TMEM232: variants seen among roughly 807,000 people sequenced by gnomAD.
TMEM232 encodes the protein transmembrane protein 232.
TMEM232 carries 80 observed loss-of-function variants against 78.8 expected under a neutral mutation model. The ratio of observed to expected loss-of-function variants is 1.01; its 90% CI spans 0.85 to 1.22. The LOEUF (loss-of-function observed/expected upper bound fraction) is 1.22. Among genes scored for constraint, TMEM232 ranks in the 50% most tolerant of loss-of-function variants. The pLI is 0.00. For missense variants in TMEM232, 881 were observed against 742.2 expected, an observed-to-expected ratio of 1.19 and a Z score of -2.17; for synonymous variants, 297 against 254.3, an observed-to-expected ratio of 1.17 and a Z score of -1.60.
chr5:110,672,549 A>C (rs2150149645), intron 1 of TMEM232, among the ~76,000 whole-genome samples: 1 of 152,282 alleles, frequency 6.6e-6, no homozygotes, highest in East Asian at 1.9e-4. Context: ...AAAATAGCCA[A>C]ACAACTTCAA....
chr5:110,736,245 A>G (rs1406103662), intron 1 of TMEM232, among the ~76,000 whole-genome samples: 1 of 152,198 alleles, frequency 6.6e-6, no homozygotes, highest in African/African-American at 2.4e-5. Context: ...AGGATGATAG[A>G]GCTTTCATAG....
At chr5:110,636,423 C>CA (rs1785842363) in intron 5 of TMEM232, among the ~76,000 whole-genome samples, 1 of 151,908 alleles carries the variant, frequency 6.6e-6, no homozygotes, top group Non-Finnish European at 1.5e-5. Flanking sequence ...ATGATGCAAA[C>CA]ACATAGAAAT....
chr5:110,724,165 T>C (rs1466666977), intron 1 of TMEM232, among the ~76,000 whole-genome samples: 4 of 152,206 alleles, frequency 2.6e-5, no homozygotes, highest in Non-Finnish European at 1.5e-5. Flanking sequence ...TGGGACTTTA[T>C]TGTTTGCAAA....
chr5:110,537,718 A>G lies in TMEM232; in HGVS notation c.1456-8883T>C, dbSNP rs551396542. Among the ~76,000 whole-genome samples the G allele has an allele frequency of 2.0e-5, 3 of 152,354 alleles. No individual in the cohort carries two copies. The East Asian group carries it at 5.8e-4, about 29-fold the overall frequency. On this transcript the variant is annotated intron_variant, in intron 11 of 13. Transcript: ENST00000455884. ...CCTGCAGCCCTGTTACTCCTTGGGA[A>G]GTAGCAAGAGCTGAGGGGCCAGTCC...
At chr5:110,390,908 C>A (rs1021023164) in intron 3 of TMEM232, among the ~76,000 whole-genome samples, 1 of 152,182 alleles carries the variant, frequency 6.6e-6, no homozygotes, top group Non-Finnish European at 1.5e-5. Context: ...TGCATGTTAA[C>A]AAGTTTCAAA....
chr5:110,605,041 C>T (rs1781374362), intron 10 of TMEM232, 68 bp downstream of exon 10: 1 of 1,393,478 alleles, frequency 7.2e-7, no homozygotes, highest in Non-Finnish European at 9.6e-7. Context: ...GAGTAGAATG[C>T]TTATTACTAT....
chr5:110,476,722 C>T (rs1763295728), intron 12 of TMEM232, among the ~76,000 whole-genome samples: 1 of 152,010 alleles, frequency 6.6e-6, no homozygotes, highest in African/African-American at 2.4e-5. Flanking sequence ...AGTCTGCTAG[C>T]ATTTCCCAGA....
At chr5:110,406,000 G>A (rs1580565159) in intron 2 of TMEM232, among the ~76,000 whole-genome samples, 2 of 151,662 alleles carry the variant, frequency 1.3e-5, no homozygotes, top group South Asian at 4.2e-4. Context: ...CAAAAAGAAA[G>A]AGAAAATCTT....
At chr5:110,491,977 A>C (rs548509861) in intron 12 of TMEM232, among the ~76,000 whole-genome samples, 10 of 152,002 alleles carry the variant, frequency 6.6e-5, no homozygotes, top group Non-Finnish European at 1.5e-4. Flanking sequence ...ATTAAGAAGC[A>C]ATTTATAATA....
At position 110,578,190 on chromosome 5, in the gene TMEM232, CAG is replaced by C. The variant is rs1320727979; in HGVS notation, c.1277-9567_1277-9566del. Among the ~76,000 whole-genome samples the C allele has an allele frequency of 2.0e-5, 3 of 151,860 alleles. No homozygotes were observed. The East Asian group carries it at 5.8e-4, about 29-fold the overall frequency. ...TCTAATAAATAAACTACAGGAATATCAGACTTCTGACTTTTGGATTTATTTTA... is the reference window on the plus strand; with the variant it reads ...TCTAATAAATAAACTACAGGAATATCACTTCTGACTTTTGGATTTATTTTA... On this transcript the variant is annotated intron_variant, in intron 10 of 13. Transcript: ENST00000455884.
At chr5:110,661,770 T>C (rs1004355480) in intron 2 of TMEM232, among the ~76,000 whole-genome samples, 6 of 152,210 alleles carry the variant, frequency 3.9e-5, no homozygotes, top group Non-Finnish European at 7.3e-5. Context: ...CCACCAACAG[T>C]GTAGGAGCAT....
At chr5:110,561,386 T>C (rs1290552784) in intron 11 of TMEM232, among the ~76,000 whole-genome samples, 1 of 151,812 alleles carries the variant, frequency 6.6e-6, no homozygotes, top group Non-Finnish European at 1.5e-5. Context: ...TGTGTGTGTG[T>C]GTATATGTGT....
intron 8 of TMEM232, among the ~76,000 whole-genome samples, chr5:110,611,776 C>T (rs941345269): frequency 2.6e-5 from 4 of 152,010 alleles, no homozygotes; most frequent in African/African-American, 7.2e-5. Context: ...AGGGGACGAA[C>T]GCAAAGCAAG....
chr5:110,688,074 A>G (rs1454614950), intron 1 of TMEM232, among the ~76,000 whole-genome samples: 1 of 144,726 alleles, frequency 6.9e-6, no homozygotes. Flanking sequence ...CATGGTTTGT[A>G]CTTCTCTACT....
At chr5:110,429,279 A>T (rs1011434017) in intron 12 of TMEM232, among the ~76,000 whole-genome samples, 1 of 151,838 alleles carries the variant, frequency 6.6e-6, no homozygotes, top group Non-Finnish European at 1.5e-5. Context: ...GGATTATGCA[A>T]GATTGTCCCA....
At chr5:110,468,434 G>A (rs1393234353) in intron 12 of TMEM232, among the ~76,000 whole-genome samples, 1 of 151,834 alleles carries the variant, frequency 6.6e-6, no homozygotes, top group South Asian at 2.1e-4. Context: ...GATGAACTAA[G>A]GTTGTTAGAG....
intron 1 of TMEM232, chr5:110,721,014 G>T (rs1367485949): frequency 1.1e-4 from 17 of 152,018 alleles, no homozygotes; most frequent in Non-Finnish European, 8.8e-5. Flanking sequence ...ACTTGCTAAA[G>T]GTATAGTATA....
chr5:110,638,086 G>T, intron 5 of TMEM232, 112 bp downstream of exon 5: 1 of 836,956 alleles, frequency 1.2e-6, no homozygotes, highest in Non-Finnish European at 1.7e-6. Flanking sequence ...CCAAACAAAA[G>T]AATATTCTAT....
intron 2 of TMEM232, among the ~76,000 whole-genome samples, chr5:110,406,265 T>TACACACACACACACAC (rs70999966): frequency 2.4e-4 from 35 of 143,582 alleles, no homozygotes; most frequent in East Asian, 2.0e-4. Context: ...CAGATATATA[T>TACACACACACACACAC]ACACACACAC....
Sources: allele counts gnomAD v4.1 joint callset (sites outside exome capture counted in the v4.1 genomes callset), GRCh38; gene constraint gnomAD v4.1.1; transcripts MANE v1.5; gene names NCBI Gene and HGNC (gene_info 2026-07-23, HGNC 2026-07-21).